Variants in KPNA6 observed in about 807,000 individuals in gnomAD.
KPNA6 encodes the protein importin subunit alpha-7.
A neutral mutation model predicts 72.0 loss-of-function variants in KPNA6; 9 were observed. The observed-to-expected ratio is 0.13, with a 90% CI of 0.08 to 0.22. The LOEUF (loss-of-function observed/expected upper bound fraction) is 0.22, where lower values mean the gene tolerates loss of function less well. Ranked by LOEUF, KPNA6 falls within the 10% of genes least tolerant of loss-of-function variation. The pLI is 1.00. For missense variants in KPNA6, 374 were observed against 655.7 expected (o/e 0.57, Z 4.69); for synonymous variants, 219 against 242.1 (o/e 0.90, Z 0.89).
At chr1:32,135,481 A>G (rs972482716) in intron 1 of KPNA6, among the ~76,000 whole-genome samples, 31 of 149,244 alleles carry the variant, frequency 2.1e-4, no homozygotes, top group African/African-American at 6.9e-4. Context: ...TACAGGCGTG[A>G]GCCACCATGC....
intron 13 of KPNA6, among the ~76,000 whole-genome samples, chr1:32,170,451 G>A (rs1219482035): frequency 6.6e-6 from 1 of 152,162 alleles, no homozygotes; most frequent in African/African-American, 2.4e-5. Context: ...CTGATGATGT[G>A]CCCAGGTCAT....
chr1:32,143,579 A>G (rs1442263216), intron 1 of KPNA6, among the ~76,000 whole-genome samples: 3 of 147,116 alleles, frequency 2.0e-5, no homozygotes, highest in African/African-American at 5.1e-5. Flanking sequence ...TCTTAAAAAA[A>G]AAAAAAAGAA....
At chr1:32,158,385 T>C (rs775318728) in intron 5 of KPNA6, 24 bp downstream of exon 5, 1 of 1,486,086 alleles carries the variant, frequency 6.7e-7, no homozygotes, top group East Asian at 2.3e-5. Context: ...GGAAGGGGTT[T>C]GTTTTGTCTT....
chr1:32,123,671 T>C (rs1641478230), intron 1 of KPNA6, among the ~76,000 whole-genome samples: 1 of 149,816 alleles, frequency 6.7e-6, no homozygotes, highest in African/African-American at 2.5e-5. Context: ...GCCCCGGAGA[T>C]TGAGGTTGCA....
At chr1:32,130,670 C>T (rs539454) in intron 1 of KPNA6, among the ~76,000 whole-genome samples, 173 of 151,644 alleles carry the variant, frequency 1.1e-3, no homozygotes, top group African/African-American at 3.7e-3. Context: ...CCTGTAGTCC[C>T]AGCTGCTTAG....
intron 1 of KPNA6, among the ~76,000 whole-genome samples, chr1:32,135,633 ATT>A (rs746020031): frequency 2.8e-4 from 34 of 121,262 alleles, no homozygotes; most frequent in African/African-American, 3.0e-4. Context: ...ATGCTTGGCC[ATT>A]TTTTTTTTTT....
At chr1:32,128,706 C>A (rs2124533220) in intron 1 of KPNA6, among the ~76,000 whole-genome samples, 1 of 152,150 alleles carries the variant, frequency 6.6e-6, no homozygotes, top group Non-Finnish European at 1.5e-5. Flanking sequence ...ACTGGCACTT[C>A]TGACAGGCTT....
chr1:32,136,590 G>T (rs955371446), intron 1 of KPNA6, among the ~76,000 whole-genome samples: 2 of 152,126 alleles, frequency 1.3e-5, no homozygotes, highest in East Asian at 1.9e-4. Flanking sequence ...AAATGAAATG[G>T]GTTGCTTTTG....
chr1:32,118,801 T>C (rs1363449168), intron 1 of KPNA6, among the ~76,000 whole-genome samples: 2 of 151,342 alleles, frequency 1.3e-5, no homozygotes, highest in Non-Finnish European at 2.9e-5. Context: ...CTTTAAAAAA[T>C]AAAAATGAAA....
At chr1:32,144,986 A>T (rs1309518687) in intron 1 of KPNA6, among the ~76,000 whole-genome samples, 16 of 133,880 alleles carry the variant, frequency 1.2e-4, no homozygotes, top group African/African-American at 3.4e-4. Flanking sequence ...GGAATCTCAC[A>T]CTGTCGCCCA....
intron 1 of KPNA6, among the ~76,000 whole-genome samples, chr1:32,151,357 C>A (rs1458891127): frequency 6.6e-6 from 1 of 152,180 alleles, no homozygotes; most frequent in Admixed American, 6.5e-5. Context: ...AGTCTCTCAG[C>A]CCTGTGCGAG....
At chr1:32,121,319 A>G (rs1185017454) in intron 1 of KPNA6, among the ~76,000 whole-genome samples, 3 of 152,134 alleles carry the variant, frequency 2.0e-5, no homozygotes, top group East Asian at 1.9e-4. Flanking sequence ...AGCCAAGGGG[A>G]AAAAAAATTA....
chr1:32,160,718 T>A lies in KPNA6; in HGVS notation c.647+15T>A. 6.2e-7 allele frequency: 1 copy of A among 1,602,678 alleles called. No individual in the cohort carries two copies. The highest frequency in any genetic ancestry group is 8.5e-7 in the Non-Finnish European group (1 of 1,169,592). ...CCTTTGTTAACGTGAGTAATTATAA[T>A]CATCTGTACCTGGGCGTCTACTGGG... is the stretch of plus-strand genomic sequence containing the variant. On this transcript the variant is annotated intron_variant, in intron 7 of 13. Coordinates refer to ENST00000373625, the MANE Select transcript of KPNA6 (RefSeq NM_012316.5).
intron 2 of KPNA6, among the ~76,000 whole-genome samples, chr1:32,156,066 T>G (rs1642137548): frequency 6.6e-6 from 1 of 151,870 alleles, no homozygotes; most frequent in Non-Finnish European, 1.5e-5. Context: ...CAACCTAACC[T>G]GATTTTGCCC....
intron 1 of KPNA6, among the ~76,000 whole-genome samples, chr1:32,129,665 C>T (rs369753185): frequency 1.4e-4 from 22 of 152,246 alleles, no homozygotes; most frequent in African/African-American, 5.1e-4. Context: ...AAGTGATCGT[C>T]CTGCCTTAGC....
At chr1:32,146,083 G>T (rs1641924565) in intron 1 of KPNA6, among the ~76,000 whole-genome samples, 1 of 152,068 alleles carries the variant, frequency 6.6e-6, no homozygotes, top group Non-Finnish European at 1.5e-5. Flanking sequence ...TGCTGTTATT[G>T]GGTGGAATGC....
chr1:32,163,386 G>A (rs1233867160), intron 10 of KPNA6, 73 bp downstream of exon 10: 2 of 1,077,638 alleles, frequency 1.9e-6, no homozygotes, highest in African/African-American at 3.1e-5. Context: ...GTGGACAAAA[G>A]CCTTTCCTGC....
chr1:32,124,754 G>A (rs1347308156), intron 1 of KPNA6, among the ~76,000 whole-genome samples: 4 of 151,334 alleles, frequency 2.6e-5, no homozygotes, highest in East Asian at 2.0e-4. Context: ...CAATCCTTCC[G>A]CCTTGGCCTC....
At chr1:32,163,397 A>G in intron 10 of KPNA6, 84 bp downstream of exon 10, 1 of 979,224 alleles carries the variant, frequency 1.0e-6, no homozygotes, top group Non-Finnish European at 1.6e-6. Context: ...CCTTTCCTGC[A>G]AAGGGCTGTG....
Sources: gnomAD v4.1 joint callset for allele counts (sites outside exome capture counted in the v4.1 genomes callset) on GRCh38, gnomAD v4.1.1 for gene constraint, MANE v1.5 for transcripts, NCBI Gene and HGNC (gene_info 2026-07-23, HGNC 2026-07-21) for gene names.